The following CA5B variants were observed in gnomAD, a reference collection of about 807,000 sequenced individuals.
CA5B encodes carbonic anhydrase 5B, mitochondrial.
Under a neutral mutation model 23.1 loss-of-function variants are expected in CA5B, and 15 were observed. The ratio of observed to expected loss-of-function variants is 0.65; its 90% CI spans 0.43 to 1.00. The LOEUF is 1.00. CA5B is among the 50% of genes least tolerant of loss of function. The probability of loss-of-function intolerance (pLI) is 0.00; values close to 1 mark genes in which losing one functional copy is unlikely to be tolerated. For missense variants in CA5B, 236 were observed against 252.2 expected (o/e 0.94, Z 0.43); for synonymous variants, 84 against 98.5 (o/e 0.85, Z 0.87).
At chrX:15,749,147 G>T (rs1421988181) in intron 1 of CA5B, among the ~76,000 whole-genome samples, 1 of 110,779 alleles carries the variant, frequency 9.0e-6, no homozygotes, top group East Asian at 2.8e-4. Context: ...TAACCAAGAA[G>T]AATTGATTTT....
At chrX:15,751,777 T>A (rs1280289326) in intron 2 of CA5B, among the ~76,000 whole-genome samples, 1 of 111,142 alleles carries the variant, frequency 9.0e-6, no homozygotes, top group Non-Finnish European at 1.9e-5. Flanking sequence ...TGTTCCAACC[T>A]GTTTGCCCCA....
At chrX:15,757,258 C>A (rs1931510311) in intron 2 of CA5B, among the ~76,000 whole-genome samples, 1 of 110,677 alleles carries the variant, frequency 9.0e-6, no homozygotes, top group Admixed American at 9.6e-5. Context: ...CGCCTGTAAT[C>A]CCAGCACTTT....
At chrX:15,776,113 C>T (rs998123892) in intron 6 of CA5B, 52 of 478,893 alleles carry the variant, frequency 1.1e-4, no homozygotes, top group East Asian at 9.4e-4. Context: ...CCGAGGCTGG[C>T]GGATCACGAG....
At chrX:15,778,071 A>G (rs1394790980) in intron 7 of CA5B, among the ~76,000 whole-genome samples, 1 of 111,950 alleles carries the variant, frequency 8.9e-6, no homozygotes, top group Non-Finnish European at 1.9e-5. Flanking sequence ...ACAATCAGCT[A>G]AAAGATATGA....
intron 7 of CA5B, among the ~76,000 whole-genome samples, chrX:15,781,055 A>C (rs1425001682): frequency 9.3e-6 from 1 of 107,443 alleles, no homozygotes; most frequent in Non-Finnish European, 1.9e-5. Context: ...CCCAGGTGAG[A>C]GTCCAGTGGC....
At chrX:15,753,498 A>G (rs1931422381) in intron 2 of CA5B, among the ~76,000 whole-genome samples, 1 of 112,468 alleles carries the variant, frequency 8.9e-6, no homozygotes, top group African/African-American at 3.2e-5. Flanking sequence ...AAAAGGTGTC[A>G]GATCTCTCCT....
intron 7 of CA5B, among the ~76,000 whole-genome samples, chrX:15,778,012 G>A (rs1289968952): frequency 9.0e-6 from 1 of 111,658 alleles, no homozygotes; most frequent in Non-Finnish European, 1.9e-5. Context: ...GTAATCAGTG[G>A]AATACAATAT....
intron 3 of CA5B, among the ~76,000 whole-genome samples, chrX:15,767,412 T>C (rs1931729570): frequency 9.1e-6 from 1 of 109,719 alleles, no homozygotes; most frequent in Admixed American, 9.7e-5. Context: ...GAATTTTTTT[T>C]TTTTTTTGAG....
chrX:15,766,069 ATTAC>A (rs765331773), intron 3 of CA5B, among the ~76,000 whole-genome samples: 2 of 105,626 alleles, frequency 1.9e-5, no homozygotes, highest in South Asian at 8.9e-4. Flanking sequence ...AGGCAGGAGA[ATTAC>A]TTGAACCTGG....
At chrX:15,764,937 T>C in intron 3 of CA5B, 162 bp downstream of exon 3, 1 of 843,665 alleles carries the variant, frequency 1.2e-6, no homozygotes, top group Non-Finnish European at 1.6e-6. Context: ...AAATTCCTTC[T>C]AGTTTTTATG....
Position 15,775,276 on chromosome X carries a change from T to C in CA5B, c.586T>C (p.Leu196=), listed in dbSNP as rs752820930. The C allele has an allele frequency of 8.3e-7, 1 of 1,202,321 alleles. No individual in the cohort carries two copies. The highest frequency in any genetic ancestry group is 1.1e-6 in the Non-Finnish European group (1 of 889,203). The change falls in exon 6 of 8, where the codon TTA becomes CTA. Residue 196 remains leucine, a synonymous_variant. Transcript: ENST00000318636. Reference sequence around the variant, plus strand: ...CAAACATCATAAGGAGCTACAGAAATTAGTGGATACTTTGCCGTCAATTAA... The same window carrying C: ...CAAACATCATAAGGAGCTACAGAAACTAGTGGATACTTTGCCGTCAATTAA... The part of the protein sequence containing the change: ...LGKHHKELQK[L]VDTLPSIKHK...
chrX:15,754,632 T>G (rs1323013877), intron 2 of CA5B, among the ~76,000 whole-genome samples: 1 of 112,696 alleles, frequency 8.9e-6, no homozygotes, highest in African/African-American at 3.2e-5. Context: ...CAGTTTCCCT[T>G]AGGTATCATC....
intron 1 of CA5B, among the ~76,000 whole-genome samples, chrX:15,747,517 A>G (rs1465587153): frequency 9.2e-6 from 1 of 109,060 alleles, no homozygotes; most frequent in African/African-American, 3.3e-5. Flanking sequence ...AAATGGCAGG[A>G]GGGGGGGTAG....
intron 6 of CA5B, among the ~76,000 whole-genome samples, chrX:15,776,338 C>CAAAAAAAAAA (rs1204466142): frequency 2.3e-5 from 1 of 43,674 alleles, no homozygotes; most frequent in Non-Finnish European, 4.2e-5. Context: ...GACTCTGTCT[C>CAAAAAAAAAA]AAAAAAAAAA....
intron 1 of CA5B, among the ~76,000 whole-genome samples, chrX:15,748,991 G>A (rs1243970632): frequency 8.9e-6 from 1 of 112,041 alleles, no homozygotes; most frequent in African/African-American, 3.2e-5. Context: ...AAATGGATGT[G>A]AGGCCGAGAT....
chrX:15,775,882 C>CT, intron 6 of CA5B: 1 of 750,723 alleles, frequency 1.3e-6, no homozygotes, highest in Non-Finnish European at 1.6e-6. Flanking sequence ...CGTATATTAT[C>CT]TCCCCCCATC....
chrX:15,752,989 C>T (rs908387274), intron 2 of CA5B, among the ~76,000 whole-genome samples: 1 of 111,012 alleles, frequency 9.0e-6, no homozygotes, highest in Non-Finnish European at 1.9e-5. Flanking sequence ...GCGTAGAAGC[C>T]CCCCCAACCC....
At chrX:15,749,718 T>C (rs1048943664) in intron 1 of CA5B, among the ~76,000 whole-genome samples, 2 of 110,537 alleles carry the variant, frequency 1.8e-5, no homozygotes, top group East Asian at 2.8e-4. Flanking sequence ...TTTCTCTGGA[T>C]TTCTAATATT....
intron 2 of CA5B, among the ~76,000 whole-genome samples, chrX:15,762,318 AGAG>A (rs1395373454): frequency 9.0e-6 from 1 of 111,234 alleles, no homozygotes; most frequent in Non-Finnish European, 1.9e-5. Context: ...TACCGAAGGA[AGAG>A]GATTATCTGC....
Sources: gnomAD v4.1 joint callset for allele counts (sites outside exome capture counted in the v4.1 genomes callset) on GRCh38, gnomAD v4.1.1 for gene constraint, MANE v1.5 for transcripts, NCBI Gene and HGNC (gene_info 2026-07-23, HGNC 2026-07-21) for gene names.